Variants in WDFY4 observed in about 807,000 individuals in gnomAD.
The protein encoded by WDFY4 is WD repeat- and FYVE domain-containing protein 4.
A neutral mutation model predicts 351.9 loss-of-function variants in WDFY4; 169 were observed. The ratio of observed to expected loss-of-function variants is 0.48; its 90% CI spans 0.42 to 0.55. WDFY4 has a LOEUF of 0.55. Among genes scored for constraint, WDFY4 ranks in the 20% least tolerant of loss-of-function variants. The pLI, the probability that WDFY4 is intolerant of heterozygous loss-of-function variation, is 0.00. For missense variants in WDFY4, 3,803 were observed against 3,935.6 expected, an observed-to-expected ratio of 0.97 and a Z score of 0.90; for synonymous variants, 1,622 against 1,574.6, an observed-to-expected ratio of 1.03 and a Z score of -0.71.
At chr10:48,978,002 G>A (rs1455266115) in intron 59 of WDFY4, among the ~76,000 whole-genome samples, 2 of 152,168 alleles carry the variant, frequency 1.3e-5, no homozygotes, top group Non-Finnish European at 2.9e-5. Context: ...GAGCAAAATG[G>A]CAATAAACTG....
intron 39 of WDFY4, among the ~76,000 whole-genome samples, chr10:48,835,862 T>C (rs2002587): frequency 0.44 from 66,797 of 152,144 alleles, 15,536 homozygotes; most frequent in East Asian, 0.83. Context: ...TATGTTTTAA[T>C]TTTTAAAATT....
intron 43 of WDFY4, among the ~76,000 whole-genome samples, chr10:48,887,762 G>C (rs1240408484): frequency 1.5e-5 from 2 of 137,928 alleles, no homozygotes; most frequent in African/African-American, 5.4e-5. Flanking sequence ...CTGGGCAACA[G>C]AGCGAGACTC....
chr10:48,734,147 G>T (rs186507426), intron 10 of WDFY4, 112 bp downstream of exon 10: 2 of 874,084 alleles, frequency 2.3e-6, no homozygotes, highest in African/African-American at 1.7e-5. Flanking sequence ...AATACACAGC[G>T]TTAGCTGTGG....
chr10:48,957,355 C>A, intron 52 of WDFY4, 73 bp downstream of exon 52: 1 of 1,509,910 alleles, frequency 6.6e-7, no homozygotes, highest in Non-Finnish European at 9.0e-7. Context: ...TGGGTGATGA[C>A]CAACATCATC....
chr10:48,780,004 G>A lies in WDFY4; in HGVS notation c.3461G>A (p.Gly1154Asp), dbSNP rs1484140079. 2 of 1,551,844 alleles carry A rather than the reference G, an allele frequency of 1.3e-6. No individual in the cohort carries two copies. Among genetic ancestry groups the A allele is most frequent in the South Asian group, 2.4e-5 (2 of 84,066 alleles). The change falls in exon 19 of 62, where the codon GGC becomes GAC. Residue 1154 changes from glycine to aspartate, a missense_variant. Around this residue, in one of 3 missense-constraint regions of WDFY4, gnomAD observed 3,054 missense variants for 3,148.6 expected, o/e 0.97. Transcript: ENST00000325239. ...SAGCQLQVRC[G>D]QLLACGQWHH... ...GGATGCCAGCTTCAGGTCAGGTGTGGCCAGCTCCTGGCTTGTGGTCAGTGG... is the reference window on the plus strand; with the variant it reads ...GGATGCCAGCTTCAGGTCAGGTGTGACCAGCTCCTGGCTTGTGGTCAGTGG...
chr10:48,790,262 A>G (rs111684343), intron 22 of WDFY4, among the ~76,000 whole-genome samples: 34 of 152,362 alleles, frequency 2.2e-4, no homozygotes, highest in African/African-American at 7.9e-4. Flanking sequence ...TAGTGAGTAC[A>G]GTGGGGCTTT....
chr10:48,742,916 G>T (rs367677999), intron 11 of WDFY4, 52 bp from the exon 12 acceptor site: 1 of 1,479,248 alleles, frequency 6.8e-7, no homozygotes, highest in South Asian at 1.3e-5. Context: ...TGTGGGCTCA[G>T]GGTTAATCTA....
chr10:48,923,668 C>T (rs562639958), intron 47 of WDFY4, among the ~76,000 whole-genome samples: 55 of 151,948 alleles, frequency 3.6e-4, no homozygotes, highest in African/African-American at 9.4e-4. Flanking sequence ...TGAGTGCCTA[C>T]CATTTATCAA....
intron 17 of WDFY4, among the ~76,000 whole-genome samples, chr10:48,777,757 GA>G: frequency 6.6e-6 from 1 of 152,316 alleles, no homozygotes; most frequent in African/African-American, 2.4e-5. Context: ...TTCAAAAAAA[GA>G]AAAGCAAACA....
chr10:48,913,917 A>G (rs768149386), intron 47 of WDFY4: 2 of 1,614,108 alleles, frequency 1.2e-6, no homozygotes, highest in Admixed American at 3.3e-5. Context: ...GTTGCTGTGC[A>G]GGTCCAGCCA....
At chr10:48,941,959 TTTATTA>T (rs201828091) in intron 48 of WDFY4, 111 bp downstream of exon 48, 3 of 1,004,284 alleles carry the variant, frequency 3.0e-6, no homozygotes, top group Non-Finnish European at 4.3e-6. Flanking sequence ...GATCTTATTA[TTTATTA>T]TTATTATTAT....
chr10:48,737,459 A>G (rs1469176279), intron 11 of WDFY4, among the ~76,000 whole-genome samples: 1 of 152,218 alleles, frequency 6.6e-6, no homozygotes, highest in Non-Finnish European at 1.5e-5. Flanking sequence ...CATTTAGAGA[A>G]TGGTGTTTGT....
At chr10:48,768,498 C>A (rs2065748303) in intron 13 of WDFY4, among the ~76,000 whole-genome samples, 1 of 152,192 alleles carries the variant, frequency 6.6e-6, no homozygotes, top group African/African-American at 2.4e-5. Flanking sequence ...TCCTCACCTG[C>A]CTAGCTCTCT....
chr10:48,778,383 T>C, intron 17 of WDFY4, among the ~76,000 whole-genome samples: 1 of 152,228 alleles, frequency 6.6e-6, no homozygotes, highest in East Asian at 1.9e-4. Flanking sequence ...ACTGCCTGGC[T>C]ATAGATCAGC....
chr10:48,787,936 CTT>C, intron 20 of WDFY4, among the ~76,000 whole-genome samples: 1 of 98,368 alleles, frequency 1.0e-5, no homozygotes, highest in South Asian at 3.7e-4. Flanking sequence ...TCTTCTTCTT[CTT>C]CTTCTTCTTC....
At chr10:48,702,388 T>G (rs944346082) in intron 1 of WDFY4, among the ~76,000 whole-genome samples, 1 of 152,190 alleles carries the variant, frequency 6.6e-6, no homozygotes, top group Non-Finnish European at 1.5e-5. Flanking sequence ...TTCGTAGTCA[T>G]CCCCTTATCC....
intron 43 of WDFY4, among the ~76,000 whole-genome samples, chr10:48,882,158 G>A (rs1022539061): frequency 1.3e-5 from 2 of 152,154 alleles, no homozygotes; most frequent in African/African-American, 2.4e-5. Context: ...CATGCCTTAG[G>A]ACCCAGCTTG....
intron 31 of WDFY4, 28 bp downstream of exon 31, chr10:48,814,110 C>T (rs374448107): frequency 4.7e-5 from 70 of 1,503,828 alleles, no homozygotes; most frequent in Middle Eastern, 3.5e-4. Context: ...CATGCTGCCC[C>T]GAGGAGGTTC....
At chr10:48,968,754 C>A in intron 55 of WDFY4, 1 of 394,506 alleles carries the variant, frequency 2.5e-6, no homozygotes. Flanking sequence ...CTCCAAATCC[C>A]GTGCTGTGAG....
Sources: gnomAD v4.1 joint callset for allele counts (sites outside exome capture counted in the v4.1 genomes callset) on GRCh38, gnomAD v4.1.1 for gene constraint, gnomAD v4.1.1 regional missense constraint, MANE v1.5 for transcripts, NCBI Gene and HGNC (gene_info 2026-07-23, HGNC 2026-07-21) for gene names.